The following DMRT1 variants were observed in gnomAD, a reference collection of about 807,000 sequenced individuals.
DMRT1 encodes the protein doublesex and mab-3 related transcription factor 1.
Under a neutral mutation model 32.3 loss-of-function variants are expected in DMRT1, and 7 were observed. That is an observed-to-expected ratio of 0.22 (90% CI 0.12 to 0.41). The LOEUF (loss-of-function observed/expected upper bound fraction) is 0.41, where lower values mean the gene tolerates loss of function less well. Ranked by LOEUF, DMRT1 falls within the 10% of genes least tolerant of loss-of-function variation. The pLI is 1.00. For synonymous variants in DMRT1, 278 were observed against 206.1 expected (o/e 1.35, Z -2.99); for missense variants, 625 against 500.5 (o/e 1.25, Z -2.37).
At chr9:865,022 C>T (rs1334849992) in intron 2 of DMRT1, among the ~76,000 whole-genome samples, 1 of 152,160 alleles carries the variant, frequency 6.6e-6, no homozygotes, top group Non-Finnish European at 1.5e-5. Flanking sequence ...TTATTCTTAC[C>T]AGTGTGGTCA....
chr9:928,875 G>T (rs1203718316), intron 4 of DMRT1, among the ~76,000 whole-genome samples: 1 of 146,072 alleles, frequency 6.8e-6, no homozygotes, highest in Non-Finnish European at 1.5e-5. Context: ...TATTTATTTT[G>T]TGCCCAGGCT....
At chr9:883,578 G>A (rs139681263) in intron 2 of DMRT1, among the ~76,000 whole-genome samples, 1 of 150,546 alleles carries the variant, frequency 6.6e-6, no homozygotes, top group African/African-American at 2.4e-5. Context: ...GATCACTGGA[G>A]ACCAGAATTT....
At chr9:913,792 C>T (rs1818074151) in intron 3 of DMRT1, among the ~76,000 whole-genome samples, 1 of 152,112 alleles carries the variant, frequency 6.6e-6, no homozygotes, top group Non-Finnish European at 1.5e-5. Flanking sequence ...ACTCAGGAGG[C>T]TGACGCAGGA....
chr9:860,449 C>T lies in DMRT1; in HGVS notation c.538+13306C>T, dbSNP rs533581111. 3.3e-5 allele frequency among the ~76,000 whole-genome samples: 5 copies of T among 152,192 alleles called. No homozygotes were observed. The South Asian group carries it at 1.0e-3, about 32-fold the overall frequency. On this transcript the variant is annotated intron_variant, in intron 2 of 4. Transcript: ENST00000382276. Reference sequence around the variant, plus strand: ...GAGTTTGCTGTCTGAGCAAGATTTCCTCCCTCACTCTTCTTACTCTGTTTT... The same window carrying T: ...GAGTTTGCTGTCTGAGCAAGATTTCTTCCCTCACTCTTCTTACTCTGTTTT...
intron 1 of DMRT1, among the ~76,000 whole-genome samples, chr9:844,088 T>C (rs1215703536): frequency 3.9e-5 from 6 of 152,172 alleles, no homozygotes; most frequent in Non-Finnish European, 1.5e-5. Flanking sequence ...GGGGGATTTC[T>C]CAAAATGTAG....
chr9:914,575 A>C (rs1455165712), intron 3 of DMRT1, among the ~76,000 whole-genome samples: 1 of 116,390 alleles, frequency 8.6e-6, no homozygotes, highest in Non-Finnish European at 1.5e-5. Flanking sequence ...CTCTGTCTCA[A>C]AAAAAAAAAA....
At chr9:889,655 C>G (rs115723464) in intron 2 of DMRT1, among the ~76,000 whole-genome samples, 56 of 152,300 alleles carry the variant, frequency 3.7e-4, no homozygotes, top group African/African-American at 1.3e-3. Flanking sequence ...TAAACTGAGG[C>G]CTGATAAAAG....
chr9:844,735 T>G (rs2132537808), intron 1 of DMRT1, among the ~76,000 whole-genome samples: 1 of 149,386 alleles, frequency 6.7e-6, no homozygotes, highest in East Asian at 1.9e-4. Context: ...TTTTTTTTTT[T>G]TTGAGACAGG....
At chr9:871,879 T>G (rs1816283050) in intron 2 of DMRT1, among the ~76,000 whole-genome samples, 1 of 151,408 alleles carries the variant, frequency 6.6e-6, no homozygotes, top group African/African-American at 2.5e-5. Context: ...TAAGAACCAC[T>G]GCTTTGAGTT....
chr9:943,665 C>G (rs953772387), intron 4 of DMRT1, among the ~76,000 whole-genome samples: 2 of 152,104 alleles, frequency 1.3e-5, no homozygotes, highest in African/African-American at 4.8e-5. Flanking sequence ...GCGAAATGGA[C>G]TTCTTCTTCT....
In DMRT1 at chr9:896,303, T is replaced by C. The variant is rs76543508; in HGVS notation, c.822+2108T>C. ...GTCTTTTCTTTTTTTTTTTTTTTTT[T>C]CCTGAGACAGAGTCTCACTCTGTCG... On this transcript the variant is annotated intron_variant, in intron 3 of 4. Transcript: ENST00000382276. 6.1e-3 allele frequency among the ~76,000 whole-genome samples: 895 copies of C among 147,472 alleles called. 9 individuals carry two copies. The highest frequency in any genetic ancestry group is 0.021 in the African/African-American group (823 of 39,880).
At chr9:929,703 G>C (rs1190131605) in intron 4 of DMRT1, among the ~76,000 whole-genome samples, 1 of 151,944 alleles carries the variant, frequency 6.6e-6, no homozygotes, top group South Asian at 2.1e-4. Flanking sequence ...ATTTTGTTCC[G>C]TTGTCCCCCT....
At position 865,521 on chromosome 9, in the gene DMRT1, A is replaced by G. The variant is rs186632269; in HGVS notation, c.538+18378A>G. On this transcript the variant is annotated intron_variant, in intron 2 of 4. Coordinates refer to ENST00000382276, the MANE Select transcript of DMRT1 (RefSeq NM_021951.3). Reference sequence around the variant, plus strand: ...ACCTTTGTACACTGTGATGAAGTACATGAACAAGTCATAGAGCTCACATTT... The same window carrying G: ...ACCTTTGTACACTGTGATGAAGTACGTGAACAAGTCATAGAGCTCACATTT... 6.4e-3 allele frequency among the ~76,000 whole-genome samples: 976 copies of G among 152,348 alleles called. 7 individuals are homozygous for G. The highest frequency in any genetic ancestry group is 0.012 in the South Asian group (60 of 4,828).
In DMRT1 at chr9:842,037, A is replaced by T; in HGVS notation, c.199A>T (p.Ser67Cys). 1 of 1,546,978 alleles carries T rather than the reference A, an allele frequency of 6.5e-7. No individual in the cohort carries two copies. The highest frequency in any genetic ancestry group is 8.7e-7 in the Non-Finnish European group (1 of 1,148,998). The change falls in exon 1 of 5, where the codon AGC becomes TGC. Residue 67 changes from serine to cysteine, a missense_variant. By Grantham distance (112) the Ser-to-Cys change is moderately radical. Transcript: ENST00000382276. ...GSGASDLGAG[S>C]KKSPRLPKCA... ...CGGGGCGTCGGACCTGGGTGCCGGG[A>T]GCAAGAAGTCCCCGCGGCTGCCCAA...
intron 4 of DMRT1, among the ~76,000 whole-genome samples, chr9:928,007 G>A (rs1818584331): frequency 1.3e-5 from 2 of 152,166 alleles, no homozygotes; most frequent in Non-Finnish European, 2.9e-5. Flanking sequence ...ACATATGCTT[G>A]GGGAGGTCTC....
At chr9:885,131 G>C (rs181565462) in intron 2 of DMRT1, among the ~76,000 whole-genome samples, 67 of 152,326 alleles carry the variant, frequency 4.4e-4, no homozygotes, top group African/African-American at 1.5e-3. Context: ...GGAGCATACA[G>C]ATGGGCAGGC....
chr9:968,202 TTTG>T lies in DMRT1; in HGVS notation c.*66_*68del. The T allele has an allele frequency of 6.3e-7, 1 of 1,591,916 alleles. No homozygotes were observed. Among genetic ancestry groups the T allele is most frequent in the Non-Finnish European group, 8.6e-7 (1 of 1,167,358 alleles). On this transcript the variant is annotated 3_prime_UTR_variant, in exon 5 of 5. Transcript: ENST00000382276. Reference sequence around the variant, plus strand: ...CAGGCTTATTCCACTTTCCATGGGGTTTGTTAATATTTTGCATTGACTCATACT... The same window carrying T: ...CAGGCTTATTCCACTTTCCATGGGGTTTAATATTTTGCATTGACTCATACT...
intron 1 of DMRT1, among the ~76,000 whole-genome samples, chr9:843,108 C>T (rs965249168): frequency 2.6e-5 from 4 of 152,198 alleles, no homozygotes; most frequent in Non-Finnish European, 5.9e-5. Context: ...TCGATTTCCT[C>T]GAGCGTCCCC....
At chr9:902,547 T>C (rs1817628587) in intron 3 of DMRT1, among the ~76,000 whole-genome samples, 1 of 151,122 alleles carries the variant, frequency 6.6e-6, no homozygotes, top group Non-Finnish European at 1.5e-5. Flanking sequence ...AGTACACCAA[T>C]GCAGTTTCTC....
Sources: allele counts gnomAD v4.1 joint callset (sites outside exome capture counted in the v4.1 genomes callset), GRCh38; gene constraint gnomAD v4.1.1; transcripts MANE v1.5; gene names NCBI Gene and HGNC (gene_info 2026-07-23, HGNC 2026-07-21).